Variants in ADK observed in about 807,000 individuals in gnomAD.
ADK encodes the protein adenosine kinase.
A neutral mutation model predicts 44.7 loss-of-function variants in ADK; 24 were observed. The observed-to-expected ratio is 0.54, with a 90% confidence interval of 0.39 to 0.76. The LOEUF is 0.76. ADK is among the 30% of genes least tolerant of loss of function. The pLI is 0.00. For synonymous variants in ADK, 128 were observed against 142.6 expected (o/e 0.90, Z 0.73); for missense variants, 321 against 425.1 (o/e 0.76, Z 2.15).
intron 10 of ADK, among the ~76,000 whole-genome samples, chr10:74,694,745 G>C (rs1383011794): frequency 6.6e-6 from 1 of 152,166 alleles, no homozygotes; most frequent in East Asian, 1.9e-4. Flanking sequence ...ACCTCACAAA[G>C]TGCTGGGATT....
chr10:74,545,003 G>A (rs73274172), intron 7 of ADK, among the ~76,000 whole-genome samples: 1 of 146,250 alleles, frequency 6.8e-6, no homozygotes, highest in Non-Finnish European at 1.5e-5. Flanking sequence ...TTTTCATGTT[G>A]ATCACTTTAC....
intron 6 of ADK, among the ~76,000 whole-genome samples, chr10:74,503,119 C>A (rs896363958): frequency 6.6e-6 from 1 of 152,144 alleles, no homozygotes; most frequent in Non-Finnish European, 1.5e-5. Context: ...ATGAGCCATA[C>A]GCTACAATAG....
At chr10:74,264,353 C>T (rs1355230540) in intron 3 of ADK, among the ~76,000 whole-genome samples, 1 of 152,126 alleles carries the variant, frequency 6.6e-6, no homozygotes, top group African/African-American at 2.4e-5. Context: ...TGAACTGTAT[C>T]TCATTGTGGT....
intron 3 of ADK, among the ~76,000 whole-genome samples, chr10:74,241,919 T>C (rs1845224096): frequency 6.6e-6 from 1 of 152,254 alleles, no homozygotes. Flanking sequence ...TTCATACCTT[T>C]AGAAATTTCT....
intron 6 of ADK, among the ~76,000 whole-genome samples, chr10:74,469,677 T>C (rs1451084326): frequency 1.3e-5 from 2 of 152,162 alleles, no homozygotes; most frequent in African/African-American, 4.8e-5. Flanking sequence ...CTTAACCATT[T>C]TTAAGTGTAA....
At chr10:74,457,208 C>T (rs144947329) in intron 6 of ADK, among the ~76,000 whole-genome samples, 16 of 152,256 alleles carry the variant, frequency 1.1e-4, no homozygotes, top group East Asian at 7.7e-4. Context: ...GACACCTCTA[C>T]GCAAATAAAC....
chr10:74,285,370 C>A (rs961760039), intron 3 of ADK, among the ~76,000 whole-genome samples: 1 of 152,104 alleles, frequency 6.6e-6, no homozygotes, highest in African/African-American at 2.4e-5. Flanking sequence ...ATAAGAGAAG[C>A]ATTTTATGAG....
intron 7 of ADK, among the ~76,000 whole-genome samples, chr10:74,570,206 G>T (rs527786867): frequency 6.6e-6 from 1 of 151,494 alleles, no homozygotes; most frequent in Non-Finnish European, 1.5e-5. Flanking sequence ...GTCAGGTAGC[G>T]TGATGCCTCC....
intron 9 of ADK, among the ~76,000 whole-genome samples, chr10:74,638,195 T>TA (rs1337133437): frequency 1.3e-5 from 2 of 152,250 alleles, no homozygotes; most frequent in Non-Finnish European, 2.9e-5. Context: ...AAATTTATGC[T>TA]AATTCTGGAT....
chr10:74,604,101 G>A (rs1852235066), intron 9 of ADK, among the ~76,000 whole-genome samples: 1 of 151,986 alleles, frequency 6.6e-6, no homozygotes. Flanking sequence ...GTGGTTGTTT[G>A]TTCGTTTTTT....
At chr10:74,554,034 G>A (rs1044437854) in intron 7 of ADK, among the ~76,000 whole-genome samples, 1 of 152,168 alleles carries the variant, frequency 6.6e-6, no homozygotes. Context: ...ACTTCATGAA[G>A]AAGGTGAATC....
intron 3 of ADK, among the ~76,000 whole-genome samples, chr10:74,227,359 T>C (rs1168625076): frequency 1.3e-5 from 2 of 152,186 alleles, no homozygotes; most frequent in African/African-American, 2.4e-5. Context: ...TTAACCCTAA[T>C]TCTATAAGAG....
At chr10:74,442,970 A>T (rs191961656) in intron 6 of ADK, among the ~76,000 whole-genome samples, 1 of 152,308 alleles carries the variant, frequency 6.6e-6, no homozygotes, top group Admixed American at 6.5e-5. Context: ...AGTCAACCTC[A>T]TAGAAACAGG....
intron 4 of ADK, among the ~76,000 whole-genome samples, chr10:74,375,000 A>C (rs188627086): frequency 4.6e-5 from 7 of 152,060 alleles, no homozygotes; most frequent in Non-Finnish European, 1.0e-4. Context: ...TTGTGCTTCT[A>C]TTCCCTCACA....
intron 2 of ADK, among the ~76,000 whole-genome samples, chr10:74,201,684 C>G (rs59163497): frequency 0.21 from 10,642 of 50,056 alleles, 909 homozygotes; most frequent in African/African-American, 0.39. Context: ...ATGTATCTAT[C>G]TATCTATCTA....
chr10:74,512,402 C>CT (rs36119808), intron 6 of ADK, among the ~76,000 whole-genome samples: 81,831 of 128,362 alleles, frequency 0.64, 27,323 homozygotes, highest in Middle Eastern at 0.83. Flanking sequence ...CAGTTCTGGA[C>CT]TTTTTTTTTT....
intron 4 of ADK, among the ~76,000 whole-genome samples, chr10:74,369,866 A>T (rs934748847): frequency 4.6e-5 from 7 of 152,196 alleles, no homozygotes; most frequent in Admixed American, 4.6e-4. Context: ...CAGTGATATG[A>T]TCATCTATGT....
At chr10:74,686,355 A>G (rs891083428) in intron 10 of ADK, among the ~76,000 whole-genome samples, 17 of 152,202 alleles carry the variant, frequency 1.1e-4, no homozygotes, top group Middle Eastern at 6.8e-3. Context: ...AGCATTGTCA[A>G]TGTGATAGTA....
chr10:74,176,653 C>A, intron 1 of ADK: 1 of 1,411,756 alleles, frequency 7.1e-7, no homozygotes, highest in African/African-American at 1.5e-5. Flanking sequence ...CGTCTGGGGA[C>A]GATCTCCAGC....
Sources: gnomAD v4.1 joint callset for allele counts (sites outside exome capture counted in the v4.1 genomes callset) on GRCh38, gnomAD v4.1.1 for gene constraint, MANE v1.5 for transcripts, NCBI Gene and HGNC (gene_info 2026-07-23, HGNC 2026-07-21) for gene names.